Variants in XRCC4 observed in about 807,000 individuals in gnomAD.
XRCC4 encodes X-ray repair cross complementing 4.
A neutral mutation model predicts 39.1 loss-of-function variants in XRCC4; 28 were observed. The observed-to-expected ratio is 0.72, with a 90% confidence interval of 0.53 to 0.98. XRCC4 has a LOEUF of 0.98. Among genes scored for constraint, XRCC4 ranks in the 50% least tolerant of loss-of-function variants. The pLI, the probability that XRCC4 is intolerant of heterozygous loss-of-function variation, is 0.00. For synonymous variants in XRCC4, 123 were observed against 126.4 expected (o/e 0.97, Z 0.18); for missense variants, 350 against 376.4 (o/e 0.93, Z 0.58).
chr5:83,306,299 A>G (rs1022541279), intron 7 of XRCC4, among the ~76,000 whole-genome samples: 1 of 152,224 alleles, frequency 6.6e-6, no homozygotes, highest in South Asian at 2.1e-4. Flanking sequence ...GAAAAACCAT[A>G]GAATTTGCCA....
intron 6 of XRCC4, among the ~76,000 whole-genome samples, chr5:83,227,001 A>G (rs1029745931): frequency 2.0e-5 from 3 of 151,768 alleles, no homozygotes; most frequent in Non-Finnish European, 2.9e-5. Flanking sequence ...CCTGTATTAG[A>G]GTTTTTCACT....
intron 1 of XRCC4, among the ~76,000 whole-genome samples, chr5:83,079,156 TA>T: frequency 6.6e-6 from 1 of 152,256 alleles, no homozygotes; most frequent in Non-Finnish European, 1.5e-5. Context: ...GCTATATCTA[TA>T]TATTTTAATT....
chr5:83,094,472 A>C, intron 1 of XRCC4, among the ~76,000 whole-genome samples: 1 of 147,972 alleles, frequency 6.8e-6, no homozygotes. Context: ...ACTGATTTCA[A>C]ATGTCCATCT....
chr5:83,111,511 C>T (rs1008161343), intron 3 of XRCC4, among the ~76,000 whole-genome samples: 16 of 151,666 alleles, frequency 1.1e-4, no homozygotes, highest in African/African-American at 3.4e-4. Context: ...TTTAGGCCAT[C>T]GTGACAGGTC....
At chr5:83,252,274 A>G (rs1753351127) in intron 6 of XRCC4, among the ~76,000 whole-genome samples, 1 of 152,082 alleles carries the variant, frequency 6.6e-6, no homozygotes, top group African/African-American at 2.4e-5. Context: ...TTCTCTTAAT[A>G]TTTTATATCT....
At chr5:83,365,666 A>G in the XRCC4 span, among the ~76,000 whole-genome samples, 1 of 152,208 alleles carries the variant, frequency 6.6e-6, no homozygotes, top group Non-Finnish European at 1.5e-5. Flanking sequence ...TGTGCCCAGC[A>G]AGAACAATAA....
chr5:83,241,985 G>A (rs1038040155), intron 6 of XRCC4, among the ~76,000 whole-genome samples: 3 of 151,180 alleles, frequency 2.0e-5, no homozygotes, highest in Non-Finnish European at 2.9e-5. Context: ...AGGAGGAGGC[G>A]GAAGGGTTGG....
chr5:83,368,218 C>T, the XRCC4 span, among the ~76,000 whole-genome samples: 1 of 152,148 alleles, frequency 6.6e-6, no homozygotes, highest in African/African-American at 2.4e-5. Context: ...AACCCCAGTT[C>T]AGGGTGACCC....
intron 3 of XRCC4, among the ~76,000 whole-genome samples, chr5:83,148,069 T>G (rs1748543498): frequency 6.6e-6 from 1 of 152,328 alleles, no homozygotes; most frequent in African/African-American, 2.4e-5. Context: ...CGTCATCTTA[T>G]ATGTGATAAA....
intron 7 of XRCC4, among the ~76,000 whole-genome samples, chr5:83,263,114 G>A (rs1235226974): frequency 4.0e-5 from 6 of 148,966 alleles, no homozygotes; most frequent in East Asian, 2.0e-4. Flanking sequence ...TTGTTCTTGC[G>A]ATAGTTTACT....
At chr5:83,196,039 A>ATC in intron 4 of XRCC4, 103 bp downstream of exon 4, 3 of 1,208,266 alleles carry the variant, frequency 2.5e-6, no homozygotes, top group Non-Finnish European at 3.3e-6. Context: ...GTGGATTAGC[A>ATC]CATATATATT....
At chr5:83,337,020 C>A (rs1297454785) in intron 7 of XRCC4, among the ~76,000 whole-genome samples, 1 of 152,054 alleles carries the variant, frequency 6.6e-6, no homozygotes. Context: ...AAATCTTTTT[C>A]TAAGTGATAG....
chr5:83,247,944 C>T (rs1318803932), intron 6 of XRCC4, among the ~76,000 whole-genome samples: 1 of 152,106 alleles, frequency 6.6e-6, no homozygotes, highest in Non-Finnish European at 1.5e-5. Context: ...GTGACCTTTA[C>T]CACTTCTTTA....
intron 7 of XRCC4, among the ~76,000 whole-genome samples, chr5:83,315,534 G>C (rs936532631): frequency 6.6e-6 from 1 of 152,098 alleles, no homozygotes; most frequent in South Asian, 2.1e-4. Flanking sequence ...CAAAGAACAG[G>C]CTTTCTTGAT....
At chr5:83,316,142 T>C (rs1198289036) in intron 7 of XRCC4, among the ~76,000 whole-genome samples, 1 of 152,034 alleles carries the variant, frequency 6.6e-6, no homozygotes, top group African/African-American at 2.4e-5. Context: ...GAAGAAGTAA[T>C]TGGAAATGTG....
chr5:83,324,109 C>T (rs2441007), intron 7 of XRCC4, among the ~76,000 whole-genome samples: 11 of 151,958 alleles, frequency 7.2e-5, no homozygotes, highest in East Asian at 5.8e-4. Flanking sequence ...ATTCTTACCC[C>T]CATGGAAATA....
chr5:83,086,518 G>C (rs1356531751), intron 1 of XRCC4, among the ~76,000 whole-genome samples: 1 of 152,134 alleles, frequency 6.6e-6, no homozygotes. Flanking sequence ...TCATCATAAA[G>C]GTCTTCATTC....
At chr5:83,178,313 C>G (rs147914734) in intron 3 of XRCC4, among the ~76,000 whole-genome samples, 4 of 152,216 alleles carry the variant, frequency 2.6e-5, no homozygotes, top group African/African-American at 9.6e-5. Context: ...TGGACTAGAG[C>G]TACAGACTTG....
chr5:83,276,421 C>T (rs1754335481), intron 7 of XRCC4, among the ~76,000 whole-genome samples: 1 of 128,932 alleles, frequency 7.8e-6, no homozygotes, highest in Non-Finnish European at 1.6e-5. Context: ...GGGCTTTACC[C>T]TAATGAAGGG....
Sources: gnomAD v4.1 joint callset for allele counts (sites outside exome capture counted in the v4.1 genomes callset) on GRCh38, gnomAD v4.1.1 for gene constraint, MANE v1.5 for transcripts, NCBI Gene and HGNC (gene_info 2026-07-23, HGNC 2026-07-21) for gene names.